The following RESF1 variants were observed in gnomAD, a reference collection of about 807,000 sequenced individuals.
The protein encoded by RESF1 is gonad expressed transcript.
RESF1 carries 65 observed loss-of-function variants against 134.7 expected under a neutral mutation model. That is an observed-to-expected ratio of 0.48 (90% CI 0.40 to 0.59). The LOEUF is 0.59. RESF1 is among the 20% of genes least tolerant of loss of function. The pLI is 0.00. For synonymous variants in RESF1, 762 were observed against 702.2 expected (o/e 1.09, Z -1.35); for missense variants, 2,274 against 2,002.7 (o/e 1.14, Z -2.59).
Position 31,984,099 on chromosome 12 carries a change from C to T in RESF1, c.3144C>T (p.Val1048=). 6.2e-7 allele frequency: 1 copy of T among 1,613,906 alleles called. No individual in the cohort carries two copies. Among genetic ancestry groups the T allele is most frequent in the Non-Finnish European group, 8.5e-7 (1 of 1,179,968 alleles). Residue 1048 remains valine (V), a synonymous_variant, in exon 4 of 6, where the codon GTC becomes GTT. Coordinates refer to ENST00000312561, the MANE Select transcript of RESF1 (RefSeq NM_018169.4). ...RNEIHSDKAP[V]LYLHDQLSEL... ...AAATCCACAGTGATAAGGCACCTGT[C>T]TTATACCTACATGACCAGCTGTCAG... is the stretch of plus-strand genomic sequence containing the variant.
At chr12:31,985,984 C>T in intron 4 of RESF1, 27 bp downstream of exon 4, 2 of 1,428,554 alleles carry the variant, frequency 1.4e-6, no homozygotes, top group South Asian at 1.7e-5. Flanking sequence ...TTGGTGGTGT[C>T]TACAATATTG....
Position 31,981,059 on chromosome 12 carries a change from C to T in RESF1, c.104C>T (p.Thr35Ile), listed in dbSNP as rs991413275. 1.9e-6 allele frequency: 3 copies of T among 1,614,124 alleles called. No individual in the cohort carries two copies. Among genetic ancestry groups the T allele is most frequent in the Middle Eastern group, 1.6e-4 (1 of 6,062 alleles). The change falls in exon 4 of 6, where the codon ACA (threonine) becomes ATA (isoleucine). Residue 35 changes from threonine (T) to isoleucine (I), a missense_variant. Transcript: ENST00000312561. The part of the protein sequence containing the change: ...HQSLINQITT[T>I]SQSSFSYPGS... ...TCTTTAATAAACCAAATTACCACAA[C>T]ATCTCAGAGTTCTTTCAGCTATCCT...
At chr12:31,990,898 TA>T (rs1387381457) in intron 5 of RESF1, among the ~76,000 whole-genome samples, 1 of 152,150 alleles carries the variant, frequency 6.6e-6, no homozygotes, top group Non-Finnish European at 1.5e-5. Context: ...CAATCTGCTA[TA>T]AAGAAACATA....
chr12:31,983,393 C>G lies in RESF1; in HGVS notation c.2438C>G (p.Ala813Gly). 1.2e-6 allele frequency: 2 copies of G among 1,614,024 alleles called. No individual in the cohort carries two copies. The highest frequency in any genetic ancestry group is 1.7e-6 in the Non-Finnish European group (2 of 1,180,026). Residue 813 changes from alanine to glycine, a missense_variant, in exon 4 of 6, where the codon GCT becomes GGT. By Grantham distance (60) the Ala-to-Gly change is moderately conservative. Transcript: ENST00000312561. ...GCAGAAAATGCAAAGGCAACTGCTG[C>G]TTTGAAAGTTGATGTTAGTGGACCA... is the stretch of plus-strand genomic sequence containing the variant. The part of the protein sequence containing the change: ...QLAENAKATA[A>G]LKVDVSGPVA...
chr12:31,992,326 G>T, intron 5 of RESF1, 52 bp from the exon 6 acceptor site: 1 of 1,444,948 alleles, frequency 6.9e-7, no homozygotes, highest in South Asian at 1.2e-5. Context: ...ATTATATATT[G>T]ATCACAGCTA....
intron 3 of RESF1, among the ~76,000 whole-genome samples, chr12:31,974,756 A>G (rs1236220386): frequency 6.6e-6 from 1 of 151,958 alleles, no homozygotes; most frequent in African/African-American, 2.4e-5. Context: ...AGTGAGGGGG[A>G]CGGGCAGTTA....
In RESF1 at chr12:31,984,252, C is replaced by G; in HGVS notation, c.3297C>G (p.Asp1099Glu). The change falls in exon 4 of 6, where the codon GAC (aspartate) becomes GAG (glutamate). Residue 1099 changes from aspartate to glutamate, a missense_variant. By Grantham distance (45) the Asp-to-Glu change is conservative. Transcript: ENST00000312561. Reference protein sequence around the residue: ...TADKTSSDSKDPADQIQITIL... With the variant: ...TADKTSSDSKEPADQIQITIL... The stretch of plus-strand genomic sequence containing the variant: ...ATAAAACCAGTTCTGACTCCAAAGA[C>G]CCAGCAGATCAAATACAAATTACAA... The G allele has an allele frequency of 4.3e-6, 7 of 1,613,950 alleles. No homozygotes were observed. The highest frequency in any genetic ancestry group is 5.9e-6 in the Non-Finnish European group (7 of 1,179,988).
chr12:31,980,846 G>A, intron 3 of RESF1, 32 bp from the exon 4 acceptor site: 1 of 832,174 alleles, frequency 1.2e-6, no homozygotes, highest in Non-Finnish European at 1.8e-6. Flanking sequence ...AGGCAAAACA[G>A]CATTTTAATA....
At chr12:31,987,457 T>C in intron 5 of RESF1, 135 bp downstream of exon 5, 1 of 586,882 alleles carries the variant, frequency 1.7e-6, no homozygotes, top group Non-Finnish European at 3.0e-6. Context: ...TCAGTGTTTG[T>C]GTTTGAGTGG....
At chr12:31,970,979 C>T (rs1178482019) in intron 3 of RESF1, among the ~76,000 whole-genome samples, 1 of 152,196 alleles carries the variant, frequency 6.6e-6, no homozygotes, top group South Asian at 2.1e-4. Context: ...CTCCAGTAAA[C>T]CTTTATCAGA....
intron 5 of RESF1, among the ~76,000 whole-genome samples, chr12:31,991,197 C>A (rs373622188): frequency 3.2e-4 from 45 of 139,378 alleles, no homozygotes; most frequent in South Asian, 6.8e-4. Context: ...GACCCTGTCT[C>A]AAAAAAAAAA....
At chr12:31,971,814 C>G (rs7310106) in intron 3 of RESF1, among the ~76,000 whole-genome samples, 1 of 152,028 alleles carries the variant, frequency 6.6e-6, no homozygotes, top group Non-Finnish European at 1.5e-5. Flanking sequence ...ATTCCTGGTA[C>G]CAATTGTCTA....
chr12:31,964,563 T>C (rs567765591), intron 2 of RESF1, among the ~76,000 whole-genome samples: 2 of 152,246 alleles, frequency 1.3e-5, no homozygotes, highest in African/African-American at 4.8e-5. Context: ...TCTGGGTCTT[T>C]GCTATTGTGA....
chr12:31,979,243 G>A (rs377482649), intron 3 of RESF1, among the ~76,000 whole-genome samples: 3 of 152,154 alleles, frequency 2.0e-5, no homozygotes, highest in African/African-American at 7.2e-5. Flanking sequence ...GACACCAGAT[G>A]TGTGGGAATT....
chr12:31,964,595 C>G lies in RESF1; in HGVS notation c.-247+3724C>G, dbSNP rs906788042. Among the ~76,000 whole-genome samples, 3 of 152,260 alleles carry G rather than the reference C, an allele frequency of 2.0e-5. No individual in the cohort carries two copies. In the South Asian group the frequency reaches 6.2e-4, roughly 32 times the overall value. On this transcript the variant is annotated intron_variant, in intron 2 of 5. Coordinates refer to ENST00000312561, the MANE Select transcript of RESF1 (RefSeq NM_018169.4). The stretch of plus-strand genomic sequence containing the variant: ...GTGAATAGACATGCACAATTTTATA[C>G]AGCAATGTTTGAGAGATGGTTGGTC...
chr12:31,959,967 T>TAA (rs1939220163), intron 1 of RESF1: 1 of 151,978 alleles, frequency 6.6e-6, no homozygotes. Context: ...AAAAATCTTT[T>TAA]TTTTTTTTTG....
chr12:31,963,024 G>A (rs1225091856), intron 2 of RESF1, among the ~76,000 whole-genome samples: 2 of 151,458 alleles, frequency 1.3e-5, no homozygotes, highest in African/African-American at 4.9e-5. Context: ...CTGAGATCGC[G>A]CCACTGTACC....
rs138801886 is a variant in RESF1, at chr12:31,982,611, G to A, written c.1656G>A (p.Glu552=). 217 of 1,613,866 alleles carry A rather than the reference G, an allele frequency of 1.3e-4. 1 individual carries two copies. The highest frequency in any genetic ancestry group is 2.5e-5 in the Non-Finnish European group (29 of 1,180,028). The change falls in exon 4 of 6, where the codon GAG becomes GAA. Residue 552 remains glutamate (E), a synonymous_variant. Transcript: ENST00000312561. ...CATCAGAAAATGTTACCAAAGTTGA[G>A]CAAAATTCACCAGCAGTTTGTGAAA... is the stretch of plus-strand genomic sequence containing the variant. ...QLSSENVTKV[E]QNSPAVCETI...
chr12:31,966,273 A>C (rs1939395653), intron 2 of RESF1, among the ~76,000 whole-genome samples: 1 of 152,198 alleles, frequency 6.6e-6, no homozygotes. Flanking sequence ...CGGATTGGAC[A>C]AGCTTGATTT....
Sources: allele counts gnomAD v4.1 joint callset (sites outside exome capture counted in the v4.1 genomes callset), GRCh38; gene constraint gnomAD v4.1.1; transcripts MANE v1.5; gene names NCBI Gene and HGNC (gene_info 2026-07-23, HGNC 2026-07-21).